The following NRG3 variants were observed in gnomAD, a reference collection of about 807,000 sequenced individuals.
NRG3 encodes neuregulin 3.
In NRG3, 31 loss-of-function variants were observed where a neutral mutation model predicts 66.9. The observed-to-expected ratio is 0.46, with a 90% CI of 0.35 to 0.63. The LOEUF (loss-of-function observed/expected upper bound fraction) is 0.63, where lower values mean the gene tolerates loss of function less well. NRG3 is among the 20% of genes least tolerant of loss of function. NRG3 has a pLI of 0.00. For missense variants in NRG3, 910 were observed against 878.9 expected (o/e 1.04, Z -0.45); for synonymous variants, 393 against 359.4 (o/e 1.09, Z -1.06).
intron 2 of NRG3, among the ~76,000 whole-genome samples, chr10:82,513,547 A>G (rs1290453178): frequency 6.6e-6 from 1 of 152,128 alleles, no homozygotes; most frequent in Non-Finnish European, 1.5e-5. Flanking sequence ...GGTTGAACTG[A>G]CTTACATTCC....
chr10:82,859,646 C>T (rs910039094), intron 3 of NRG3, among the ~76,000 whole-genome samples: 1 of 152,050 alleles, frequency 6.6e-6, no homozygotes, highest in South Asian at 2.1e-4. Context: ...CCTTAAACTT[C>T]GGTTAGTGGT....
At chr10:82,035,098 C>G (rs1028636088) in intron 1 of NRG3, among the ~76,000 whole-genome samples, 1 of 152,028 alleles carries the variant, frequency 6.6e-6, no homozygotes, top group Admixed American at 6.6e-5. Flanking sequence ...CCCTGTAGTT[C>G]GAGCAGCTTG....
intron 2 of NRG3, among the ~76,000 whole-genome samples, chr10:82,695,021 A>C (rs2055262463): frequency 6.6e-6 from 1 of 152,150 alleles, no homozygotes; most frequent in African/African-American, 2.4e-5. Context: ...TTACAATCTC[A>C]AATAATAATT....
intron 2 of NRG3, among the ~76,000 whole-genome samples, chr10:82,431,652 A>C (rs764393913): frequency 6.6e-6 from 1 of 152,138 alleles, no homozygotes; most frequent in Non-Finnish European, 1.5e-5. Context: ...ATCAAGTTAG[A>C]TTTATAAAAG....
At chr10:82,590,595 T>G (rs2046927778) in intron 2 of NRG3, among the ~76,000 whole-genome samples, 1 of 152,110 alleles carries the variant, frequency 6.6e-6, no homozygotes, top group South Asian at 2.1e-4. Flanking sequence ...CTGAACCAGT[T>G]TAACACATTA....
chr10:82,133,965 T>C (rs1016737064), intron 1 of NRG3, among the ~76,000 whole-genome samples: 8 of 152,176 alleles, frequency 5.3e-5, no homozygotes, highest in African/African-American at 1.7e-4. Flanking sequence ...TTCTGACTGG[T>C]GTGGGATGGT....
chr10:82,165,688 G>A (rs1376826047), intron 1 of NRG3, among the ~76,000 whole-genome samples: 1 of 151,608 alleles, frequency 6.6e-6, no homozygotes, highest in African/African-American at 2.4e-5. Flanking sequence ...AATTGCATTT[G>A]TGAGTTTCTT....
chr10:82,191,017 C>A (rs901828238), intron 1 of NRG3, among the ~76,000 whole-genome samples: 2 of 152,192 alleles, frequency 1.3e-5, no homozygotes, highest in Admixed American at 1.3e-4. Flanking sequence ...TGACGTGGCA[C>A]TATTCAGAAC....
rs572058632 is a variant in NRG3, at chr10:82,046,467, G to T, written c.823+170304G>T. Among the ~76,000 whole-genome samples the T allele has an allele frequency of 8.0e-3, 321 of 40,288 alleles. 46 individuals carry two copies. Among genetic ancestry groups the T allele is most frequent in the African/African-American group, 0.017 (297 of 17,142 alleles). The allele number at this position is 40,288 out of a possible 152,430, so 26.4% of individuals were successfully genotyped here. ...TGCTTATCAGCTTAAGGAGATTTTG[G>T]GCTGAGACGATGGGGTTTTCTATAT... On this transcript the variant is annotated intron_variant, in intron 1 of 8. Transcript: ENST00000372141.
intron 3 of NRG3, among the ~76,000 whole-genome samples, chr10:82,814,336 C>T (rs888732221): frequency 2.0e-5 from 3 of 152,170 alleles, no homozygotes; most frequent in South Asian, 2.1e-4. Flanking sequence ...CATTAATTTA[C>T]ATTAAAGAGT....
chr10:82,756,365 C>A (rs1565280896), intron 3 of NRG3, among the ~76,000 whole-genome samples: 1 of 152,122 alleles, frequency 6.6e-6, no homozygotes, highest in East Asian at 1.9e-4. Context: ...CAATGGCAGG[C>A]AAATCCTTTC....
intron 3 of NRG3, among the ~76,000 whole-genome samples, chr10:82,855,589 A>G (rs1030401665): frequency 6.6e-6 from 1 of 151,916 alleles, no homozygotes; most frequent in African/African-American, 2.4e-5. Flanking sequence ...GTAGAAATGG[A>G]GTTTAGTTAT....
At chr10:82,757,618 A>G (rs1372362523) in intron 3 of NRG3, among the ~76,000 whole-genome samples, 1 of 152,088 alleles carries the variant, frequency 6.6e-6, no homozygotes, top group Non-Finnish European at 1.5e-5. Flanking sequence ...ATATTGGATG[A>G]AGAGGAATGT....
intron 1 of NRG3, among the ~76,000 whole-genome samples, chr10:82,023,456 C>T (rs1253055444): frequency 1.3e-5 from 2 of 151,976 alleles, no homozygotes; most frequent in African/African-American, 2.4e-5. Flanking sequence ...GAAAGGCTTG[C>T]AATTTTTCCC....
At chr10:82,846,058 C>A (rs2063295236) in intron 3 of NRG3, among the ~76,000 whole-genome samples, 2 of 152,068 alleles carry the variant, frequency 1.3e-5, no homozygotes, top group African/African-American at 4.8e-5. Flanking sequence ...TCAACATTAC[C>A]CCCGGAGAGA....
At chr10:82,278,877 C>T (rs888568840) in intron 1 of NRG3, among the ~76,000 whole-genome samples, 2 of 152,116 alleles carry the variant, frequency 1.3e-5, no homozygotes, top group African/African-American at 2.4e-5. Flanking sequence ...TCTGTATTTG[C>T]TTTAGGTCTG....
At chr10:82,732,964 G>A (rs567949927) in intron 2 of NRG3, among the ~76,000 whole-genome samples, 1 of 152,314 alleles carries the variant, frequency 6.6e-6, no homozygotes, top group South Asian at 2.1e-4. Flanking sequence ...TGGCAGGCGT[G>A]TATATTACTG....
At chr10:81,902,924 T>A (rs1211969458) in intron 1 of NRG3, among the ~76,000 whole-genome samples, 1 of 152,158 alleles carries the variant, frequency 6.6e-6, no homozygotes, top group Non-Finnish European at 1.5e-5. Context: ...CCTAAGTACT[T>A]GTCATGGGTT....
chr10:82,772,147 A>G (rs2059735609), intron 3 of NRG3, among the ~76,000 whole-genome samples: 1 of 152,016 alleles, frequency 6.6e-6, no homozygotes, highest in Admixed American at 6.6e-5. Context: ...TTTTAACATA[A>G]ATTTTATTAT....
Sources: gnomAD v4.1 joint callset for allele counts (sites outside exome capture counted in the v4.1 genomes callset) on GRCh38, gnomAD v4.1.1 for gene constraint, MANE v1.5 for transcripts, NCBI Gene and HGNC (gene_info 2026-07-23, HGNC 2026-07-21) for gene names.